Variants in ARAP1 observed in about 807,000 individuals in gnomAD.
ARAP1 encodes ArfGAP with RhoGAP domain, ankyrin repeat and PH domain 1, also known as arf-GAP with Rho-GAP domain, ANK repeat and PH domain-containing protein 1.
In ARAP1, 76 loss-of-function variants were observed where a neutral mutation model predicts 172.2. The ratio of observed to expected loss-of-function variants is 0.44; its 90% CI spans 0.37 to 0.53. The LOEUF (loss-of-function observed/expected upper bound fraction) is 0.53, where lower values mean the gene tolerates loss of function less well. Among genes scored for constraint, ARAP1 ranks in the 20% least tolerant of loss-of-function variants. The probability of loss-of-function intolerance (pLI) is 0.00; values close to 1 mark genes in which losing one functional copy is unlikely to be tolerated. For missense variants in ARAP1, 1,686 were observed against 1,977.5 expected, an observed-to-expected ratio of 0.85 and a Z score of 2.80; for synonymous variants, 804 against 803.3, an observed-to-expected ratio of 1.00 and a Z score of -0.01.
chr11:72,726,996 G>A lies in ARAP1; in HGVS notation c.133C>T (p.Arg45Cys), dbSNP rs769255713. ...ATECQGLSDT[R>C]LMDMGMLLPG... The stretch of plus-strand genomic sequence containing the variant: ...AGTAGCATGCCCATGTCCATCAGGC[G>A]GGTGTCGCTGAGGCCTTGGCACTCA... The change falls in exon 3 of 35, where the codon CGC (arginine) becomes TGC (cysteine). Residue 45 changes from arginine (R) to cysteine (C), a missense_variant. Arg to Cys is a radical substitution (Grantham distance 180, BLOSUM62 -3). Coordinates refer to ENST00000393609, the MANE Select transcript of ARAP1 (RefSeq NM_001040118.3). This position sits in a 1 kb window ranked among gnomAD's most constrained non-coding sequence, Gnocchi z 6.5. The A allele has an allele frequency of 8.1e-6, 13 of 1,605,890 alleles. No individual in the cohort carries two copies. Among genetic ancestry groups the A allele is most frequent in the South Asian group, 2.2e-5 (2 of 89,720 alleles).
chr11:72,705,671 A>G, intron 13 of ARAP1, 134 bp downstream of exon 13: 1 of 923,536 alleles, frequency 1.1e-6, no homozygotes, highest in Non-Finnish European at 1.6e-6. Flanking sequence ...ATCCCCACCC[A>G]CTAGATTATC....
chr11:72,699,804 C>G lies in ARAP1; in HGVS notation c.2303-252G>C, dbSNP rs895463696. ...CTAGCTAAAATCAGACCCCATCCTT[C>G]CTCTAACCAAAACCATTCCATGGTC... On this transcript the variant is annotated intron_variant, in intron 16 of 34. Coordinates refer to ENST00000393609, the MANE Select transcript of ARAP1 (RefSeq NM_001040118.3). The surrounding 1 kb of genome is among the most constrained non-coding windows in gnomAD (Gnocchi z 4.2). Among the ~76,000 whole-genome samples, 40 of 152,218 alleles carry G rather than the reference C, an allele frequency of 2.6e-4. No individual in the cohort carries two copies. Among genetic ancestry groups the G allele is most frequent in the Non-Finnish European group, 2.9e-5 (2 of 68,044 alleles).
At chr11:72,688,411 C>T (rs778936720) in intron 31 of ARAP1, 44 bp downstream of exon 31, 1 of 1,566,374 alleles carries the variant, frequency 6.4e-7, no homozygotes, top group Non-Finnish European at 8.7e-7. Flanking sequence ...TTCTGAGCCC[C>T]CATAAGCCCC....
intron 2 of ARAP1, among the ~76,000 whole-genome samples, chr11:72,731,996 A>G (rs1565230144): frequency 6.6e-6 from 1 of 152,216 alleles, no homozygotes; most frequent in African/African-American, 2.4e-5. Context: ...AAAAGAAAAA[A>G]ATATACATAT....
chr11:72,743,057 C>T (rs1018246259), intron 1 of ARAP1, among the ~76,000 whole-genome samples: 8 of 152,208 alleles, frequency 5.3e-5, no homozygotes, highest in African/African-American at 1.9e-4. Flanking sequence ...TCCTAAAAAG[C>T]ACCCCATTAG....
At chr11:72,718,751 T>G (rs933900247) in intron 3 of ARAP1, among the ~76,000 whole-genome samples, 1 of 152,010 alleles carries the variant, frequency 6.6e-6, no homozygotes, top group Non-Finnish European at 1.5e-5. Context: ...AGAAAATACA[T>G]GCAGCAGACC....
Position 72,741,622 on chromosome 11 carries a change from G to A in ARAP1, c.-127-9025C>T, listed in dbSNP as rs1027800436. ...ACCACTGCCCCCAGCGGGAGCAGGAGGGGGACTCCGAACACCATAAATGAG... is the reference window on the plus strand; with the variant it reads ...ACCACTGCCCCCAGCGGGAGCAGGAAGGGGACTCCGAACACCATAAATGAG... On this transcript the variant is annotated intron_variant, in intron 1 of 34. Transcript: ENST00000393609. This position sits in a 1 kb window ranked among gnomAD's most constrained non-coding sequence, Gnocchi z 4.5. 6.6e-6 allele frequency among the ~76,000 whole-genome samples: 1 copy of A among 152,198 alleles called. No individual in the cohort carries two copies. The highest frequency in any genetic ancestry group is 2.1e-4 in the South Asian group (1 of 4,832).
At chr11:72,701,224 G>C (rs774378206) in intron 16 of ARAP1, among the ~76,000 whole-genome samples, 1 of 151,274 alleles carries the variant, frequency 6.6e-6, no homozygotes, top group Non-Finnish European at 1.5e-5. Context: ...GATTAGGGGG[G>C]TGGTTCAGAG....
intron 3 of ARAP1, among the ~76,000 whole-genome samples, chr11:72,721,048 T>C (rs1042091664): frequency 6.6e-6 from 1 of 152,044 alleles, no homozygotes; most frequent in African/African-American, 2.4e-5. Context: ...CTCACAGAAG[T>C]ACTGAGCTCT....
intron 8 of ARAP1, 118 bp from the exon 9 acceptor site, chr11:72,711,259 G>A (rs566883592): frequency 2.5e-4 from 379 of 1,516,334 alleles, no homozygotes; most frequent in Non-Finnish European, 3.0e-4. Flanking sequence ...AAGACCCTGT[G>A]CTGACCCTGA....
rs2135485749 is a variant in ARAP1 at position 72,688,541 on chromosome 11, A to G, written c.3988-4T>C. 1.2e-6 allele frequency: 2 copies of G among 1,610,370 alleles called. No individual in the cohort carries two copies. Among genetic ancestry groups the G allele is most frequent in the Non-Finnish European group, 1.7e-6 (2 of 1,178,262 alleles). On this transcript the variant is annotated splice_polypyrimidine_tract_variant and splice_region_variant and intron_variant, in intron 30 of 34. Coordinates refer to ENST00000393609, the MANE Select transcript of ARAP1 (RefSeq NM_001040118.3). The stretch of plus-strand genomic sequence containing the variant: ...ACTCCTTCTCAGGCCGGTGACTCTG[A>G]GGTAGGGCAAGGAGAAGAGGGCACT...
At position 72,693,238 on chromosome 11, in the gene ARAP1, T is replaced by C. The variant is rs1490810035; in HGVS notation, c.3954+87A>G. The C allele has an allele frequency of 2.0e-6, 3 of 1,531,406 alleles. No homozygotes were observed. The African/African-American group carries it at 4.1e-5, about 21-fold the overall frequency. 94.9% of individuals were successfully genotyped at this position (1,531,406 alleles called of 1,614,324 possible). A position where few individuals can be genotyped will look rare whatever the true frequency, so the allele number is the denominator to read the frequency against. On this transcript the variant is annotated intron_variant, in intron 29 of 34. Coordinates refer to ENST00000393609, the MANE Select transcript of ARAP1 (RefSeq NM_001040118.3). The surrounding 1 kb of genome is among the most constrained non-coding windows in gnomAD (Gnocchi z 4.6). ...ATCCTGAGAGCCTGTAACGGGAATA[T>C]TTCCACTTGCAGACCAAGGGGAATC...
chr11:72,710,426 C>A lies in ARAP1; in HGVS notation c.1375G>T (p.Ala459Ser). Reference protein sequence around the residue: ...LRGFKNKLYVAVVGDKVQLYK... With the variant: ...LRGFKNKLYVSVVGDKVQLYK... ...AGCTGCACTTTGTCCCCGACCACGG[C>A]CACGTACAGCTTATTCTTGAAGCCA... Residue 459 changes from alanine (A) to serine (S), a missense_variant, in exon 10 of 35, where the codon GCC (alanine) becomes TCC (serine). Ala to Ser is a moderately conservative substitution (Grantham distance 99). Coordinates refer to ENST00000393609, the MANE Select transcript of ARAP1 (RefSeq NM_001040118.3). The surrounding 1 kb of genome is among the most constrained non-coding windows in gnomAD (Gnocchi z 4.3). 1 of 1,614,072 alleles carries A rather than the reference C, an allele frequency of 6.2e-7. No homozygotes were observed. The highest frequency in any genetic ancestry group is 1.1e-5 in the South Asian group (1 of 91,084).
At chr11:72,703,888 G>A (rs1027630038) in intron 14 of ARAP1, 4 of 521,644 alleles carry the variant, frequency 7.7e-6, no homozygotes, top group African/African-American at 5.9e-5. Context: ...CGGACGGGGT[G>A]CAGGAGACTG....
Position 72,696,669 on chromosome 11 carries a change from TAAATC to T in ARAP1, c.3167-20_3167-16del, listed in dbSNP as rs749873017. On this transcript the variant is annotated splice_polypyrimidine_tract_variant and intron_variant, in intron 22 of 34. Coordinates refer to ENST00000393609, the MANE Select transcript of ARAP1 (RefSeq NM_001040118.3). ...GTCCTCAATCTCTGGGTGGGAAAGATAAATCAAGTCAGAAACCCCCTGTAACTATC... is the reference window on the plus strand; with the variant it reads ...GTCCTCAATCTCTGGGTGGGAAAGATAAGTCAGAAACCCCCTGTAACTATC... 17 of 1,568,116 alleles carry T rather than the reference TAAATC, an allele frequency of 1.1e-5. 1 individual carries two copies. Among genetic ancestry groups the T allele is most frequent in the South Asian group, 1.0e-4 (9 of 86,126 alleles).
rs528981766 is a variant in ARAP1, at chr11:72,726,203, C to T, written c.509+417G>A. On this transcript the variant is annotated intron_variant, in intron 3 of 34. Transcript: ENST00000393609. This position sits in a 1 kb window ranked among gnomAD's most constrained non-coding sequence, Gnocchi z 6.5. ...AGTCCCCTCACCCCCAACCCTACCC[C>T]GCAGCTTTCCGTTTCCTACACATGT... 2.0e-5 allele frequency among the ~76,000 whole-genome samples: 3 copies of T among 152,104 alleles called. No individual in the cohort carries two copies. The highest frequency in any genetic ancestry group is 7.2e-5 in the African/African-American group (3 of 41,394).
chr11:72,745,772 A>T (rs1306745635), intron 1 of ARAP1, among the ~76,000 whole-genome samples: 1 of 152,058 alleles, frequency 6.6e-6, no homozygotes, highest in Non-Finnish European at 1.5e-5. Flanking sequence ...CCACACCTGG[A>T]ATCTTGGCTG....
At chr11:72,689,130 A>G (rs1855817128) in intron 30 of ARAP1, among the ~76,000 whole-genome samples, 1 of 152,226 alleles carries the variant, frequency 6.6e-6, no homozygotes, top group South Asian at 2.1e-4. Flanking sequence ...CAGCTGTTCA[A>G]CAGACCACAG....
At chr11:72,701,243 G>C (rs1017341876) in intron 16 of ARAP1, among the ~76,000 whole-genome samples, 3 of 151,876 alleles carry the variant, frequency 2.0e-5, no homozygotes, top group Admixed American at 6.6e-5. Flanking sequence ...AGAGGTAATG[G>C]GGGTGGTGGC....
Sources: gnomAD v4.1 joint callset for allele counts (sites outside exome capture counted in the v4.1 genomes callset) on GRCh38, gnomAD v4.1.1 for gene constraint, Gnocchi (gnomAD v3.1) non-coding constraint, MANE v1.5 for transcripts, NCBI Gene and HGNC (gene_info 2026-07-23, HGNC 2026-07-21) for gene names.